Variants in SPMIP1 observed in about 807,000 individuals in gnomAD.
The protein encoded by SPMIP1 is protein SPMIP1.
At chr7:128,870,611 A>G in the SPMIP1 span, 8 of 152,184 alleles carry the variant, frequency 5.3e-5, no homozygotes. Flanking sequence ...CAGCCCTTCA[A>G]GGGCATCTTG....
chr7:128,866,375 G>A, the SPMIP1 span: 1 of 1,487,796 alleles, frequency 6.7e-7, no homozygotes, highest in Non-Finnish European at 8.9e-7. Flanking sequence ...CCCCTCAGCT[G>A]TGGCCACCCT....
the SPMIP1 span, chr7:128,868,870 C>G: frequency 1.3e-6 from 1 of 778,898 alleles, no homozygotes; most frequent in Non-Finnish European, 2.0e-6. Flanking sequence ...CCTCTGCTCT[C>G]CCTGTCCCTG....
At chr7:128,869,742 T>C in the SPMIP1 span, 1 of 152,178 alleles carries the variant, frequency 6.6e-6, no homozygotes, top group Non-Finnish European at 1.5e-5. Flanking sequence ...GCAGGCGCCT[T>C]GGCGGTGCTG....
the SPMIP1 span, among the ~76,000 whole-genome samples, chr7:128,867,513 C>T: frequency 1.3e-5 from 2 of 151,534 alleles, no homozygotes; most frequent in East Asian, 1.9e-4. Context: ...GTCTATAAGT[C>T]TGGATTGAAG....
chr7:128,866,955 G>T, the SPMIP1 span: 4 of 957,744 alleles, frequency 4.2e-6, no homozygotes, highest in Non-Finnish European at 6.1e-6. Flanking sequence ...GTGTCGACAC[G>T]TTCCACAGAA....
chr7:128,868,673 A>C, the SPMIP1 span: 48 of 1,534,200 alleles, frequency 3.1e-5, no homozygotes, highest in Non-Finnish European at 4.2e-5. Context: ...CAGGCCCCCC[A>C]GTGAAGCAAG....
chr7:128,869,311 T>C, the SPMIP1 span: 3 of 160,902 alleles, frequency 1.9e-5, no homozygotes, highest in Admixed American at 6.5e-5. Flanking sequence ...GGGCAGCACC[T>C]GGCACACCTG....
the SPMIP1 span, chr7:128,866,775 A>G: frequency 1.0e-5 from 16 of 1,535,982 alleles, no homozygotes; most frequent in East Asian, 2.4e-5. Flanking sequence ...TGGACATGCC[A>G]GAGACGCGAT....
the SPMIP1 span, chr7:128,868,930 T>C: frequency 1.7e-6 from 1 of 574,494 alleles, no homozygotes; most frequent in Non-Finnish European, 3.1e-6. Context: ...AGTTGCCCTC[T>C]TGCTTTTTCC....
chr7:128,869,000 G>C, the SPMIP1 span: 1 of 457,016 alleles, frequency 2.2e-6, no homozygotes, highest in Non-Finnish European at 3.9e-6. Flanking sequence ...AGGGTGCTGG[G>C]AAGGGCGAGC....
At chr7:128,869,849 C>T in the SPMIP1 span, 4,410 of 152,524 alleles carry the variant, frequency 0.029, 188 homozygotes, top group African/African-American at 0.089. Flanking sequence ...GGCCCACCTC[C>T]TGCTCCCCCG....
At chr7:128,868,934 T>G in the SPMIP1 span, 1 of 570,486 alleles carries the variant, frequency 1.8e-6, no homozygotes, top group Middle Eastern at 4.5e-4. Context: ...GCCCTCTTGC[T>G]TTTTCCGTAA....
the SPMIP1 span, among the ~76,000 whole-genome samples, chr7:128,867,976 G>A: frequency 6.6e-6 from 1 of 152,200 alleles, no homozygotes; most frequent in African/African-American, 2.4e-5. Context: ...GATGTCATTG[G>A]CAGGAAGCCT....
At chr7:128,868,516 C>T in the SPMIP1 span, 2 of 548,712 alleles carry the variant, frequency 3.6e-6, no homozygotes, top group Non-Finnish European at 6.5e-6. Context: ...TTGCCCATAG[C>T]TCCCATTCCT....
the SPMIP1 span, chr7:128,866,728 T>A: frequency 6.5e-7 from 1 of 1,535,858 alleles, no homozygotes; most frequent in Non-Finnish European, 8.7e-7. Context: ...CTCCCACGAC[T>A]TCCAGGGGCG....
the SPMIP1 span, chr7:128,868,793 G>C: frequency 4.0e-6 from 6 of 1,504,356 alleles, no homozygotes; most frequent in South Asian, 3.6e-5. Flanking sequence ...CCAGGTGTGG[G>C]CTTAGGGGAG....
At chr7:128,869,051 C>T in the SPMIP1 span, 1 of 414,378 alleles carries the variant, frequency 2.4e-6, no homozygotes. Flanking sequence ...CAGGGGAACA[C>T]AGTAGTTCCA....
At chr7:128,871,936 A>G in the SPMIP1 span, 1 of 152,370 alleles carries the variant, frequency 6.6e-6, no homozygotes, top group African/African-American at 2.4e-5. Context: ...AATACTTGTA[A>G]AAACTTCTCT....
the SPMIP1 span, chr7:128,871,082 A>G: frequency 6.6e-6 from 1 of 152,226 alleles, no homozygotes; most frequent in Non-Finnish European, 1.5e-5. Context: ...TAGAGCCAGG[A>G]AGTTTAGGGA....
Sources: gnomAD v4.1 joint callset for allele counts (sites outside exome capture counted in the v4.1 genomes callset) on GRCh38, gnomAD v4.1.1 for gene constraint, MANE v1.5 for transcripts, NCBI Gene and HGNC (gene_info 2026-07-23, HGNC 2026-07-21) for gene names.